The following NOVA1 variants were observed in gnomAD, a reference collection of about 807,000 sequenced individuals.
NOVA1 encodes the protein RNA-binding protein Nova-1.
NOVA1 carries 7 observed loss-of-function variants against 38.0 expected under a neutral mutation model. The ratio of observed to expected loss-of-function variants is 0.18; its 90% CI spans 0.10 to 0.35. The LOEUF (loss-of-function observed/expected upper bound fraction) is 0.35. Among genes scored for constraint, NOVA1 ranks in the 10% least tolerant of loss-of-function variants. The pLI is 1.00. For missense variants in NOVA1, 460 were observed against 616.0 expected (o/e 0.75, Z 2.68); for synonymous variants, 270 against 232.5 (o/e 1.16, Z -1.47).
chr14:26,542,409 C>T lies in NOVA1; in HGVS notation c.280+53001G>A, dbSNP rs35019381. Among the ~76,000 whole-genome samples the T allele has an allele frequency of 4.8e-3, 733 of 151,818 alleles. 2 individuals carry two copies. Among genetic ancestry groups the T allele is most frequent in the Non-Finnish European group, 8.8e-3 (597 of 67,738 alleles). ...ATGTATTAAATAATTCTACTTTTGACTAAATTTCAGTAATAAAGACTGCAT... is the reference window on the plus strand; with the variant it reads ...ATGTATTAAATAATTCTACTTTTGATTAAATTTCAGTAATAAAGACTGCAT... On this transcript the variant is annotated intron_variant, in intron 2 of 4. Coordinates refer to ENST00000539517, the MANE Select transcript of NOVA1 (RefSeq NM_002515.3).
intron 2 of NOVA1, among the ~76,000 whole-genome samples, chr14:26,557,917 A>G (rs1030570538): frequency 1.2e-4 from 18 of 152,184 alleles, no homozygotes; most frequent in African/African-American, 4.1e-4. Flanking sequence ...ATACAATGGA[A>G]TATTATTTCA....
intron 2 of NOVA1, chr14:26,549,512 G>A (rs574768852): frequency 5.5e-5 from 11 of 201,124 alleles, no homozygotes; most frequent in Admixed American, 4.6e-4. Flanking sequence ...CCATCTATTT[G>A]TTATTTAATT....
At chr14:26,509,279 T>A (rs1887875515) in intron 2 of NOVA1, among the ~76,000 whole-genome samples, 1 of 152,118 alleles carries the variant, frequency 6.6e-6, no homozygotes, top group Non-Finnish European at 1.5e-5. Context: ...GAGTATGGAA[T>A]AATCACAGTT....
intron 2 of NOVA1, among the ~76,000 whole-genome samples, chr14:26,535,139 A>G (rs1670246980): frequency 6.6e-6 from 1 of 152,228 alleles, no homozygotes; most frequent in Admixed American, 6.5e-5. Context: ...TAAAAGAGCA[A>G]CCAGGAATAA....
intron 3 of NOVA1, among the ~76,000 whole-genome samples, chr14:26,475,929 G>A (rs528433109): frequency 1.3e-5 from 2 of 152,224 alleles, no homozygotes; most frequent in South Asian, 4.1e-4. Context: ...GTAATAGACT[G>A]TCAAGAACCT....
At chr14:26,535,260 A>G (rs1026663104) in intron 2 of NOVA1, among the ~76,000 whole-genome samples, 2 of 152,232 alleles carry the variant, frequency 1.3e-5, no homozygotes, top group East Asian at 1.9e-4. Flanking sequence ...CTCAGTTCTT[A>G]TAAGAAATCC....
intron 2 of NOVA1, among the ~76,000 whole-genome samples, chr14:26,492,346 A>G (rs190186809): frequency 5.3e-5 from 8 of 152,222 alleles, no homozygotes; most frequent in African/African-American, 1.9e-4. Context: ...TTTGGATACC[A>G]TTTTTGTTTT....
At chr14:26,560,864 T>C (rs773577258) in intron 2 of NOVA1, among the ~76,000 whole-genome samples, 20 of 152,190 alleles carry the variant, frequency 1.3e-4, no homozygotes, top group Non-Finnish European at 2.8e-4. Context: ...AAATTTCATA[T>C]AACTATTATT....
intron 2 of NOVA1, among the ~76,000 whole-genome samples, chr14:26,486,980 C>A (rs1324123372): frequency 6.6e-6 from 1 of 151,952 alleles, no homozygotes; most frequent in Non-Finnish European, 1.5e-5. Flanking sequence ...ATAAAAATCA[C>A]CCATAATAGT....
At position 26,596,950 on chromosome 14, in the gene NOVA1, T is replaced by G. The variant is rs376676452; in HGVS notation, c.136+351A>C. 18 of 1,204,762 alleles carry G rather than the reference T, an allele frequency of 1.5e-5. No individual in the cohort carries two copies. The African/African-American group carries it at 2.5e-4, about 17-fold the overall frequency. 74.6% of individuals were successfully genotyped at this position (1,204,762 alleles called of 1,614,324 possible). A position where few individuals can be genotyped will look rare whatever the true frequency, so the allele number is the denominator to read the frequency against. On this transcript the variant is annotated intron_variant, in intron 1 of 4. Transcript: ENST00000539517. Reference sequence around the variant, plus strand: ...CATCTTCGGGCGGCCATCACCTCACTCCGGGGTCATCCTCCTCCTCCTCCT... The same window carrying G: ...CATCTTCGGGCGGCCATCACCTCACGCCGGGGTCATCCTCCTCCTCCTCCT...
chr14:26,587,308 T>TTAAA (rs374526855), intron 2 of NOVA1, among the ~76,000 whole-genome samples: 59 of 123,696 alleles, frequency 4.8e-4, no homozygotes, highest in African/African-American at 1.8e-3. Context: ...CTAAAATATA[T>TTAAA]AAAAAAAAAA....
chr14:26,468,011 C>T (rs553218479), intron 4 of NOVA1, among the ~76,000 whole-genome samples: 1 of 152,266 alleles, frequency 6.6e-6, no homozygotes, highest in East Asian at 1.9e-4. Flanking sequence ...ACATGACTTA[C>T]TTCTCACTAC....
At chr14:26,526,955 G>C (rs1889344985) in intron 2 of NOVA1, among the ~76,000 whole-genome samples, 1 of 152,126 alleles carries the variant, frequency 6.6e-6, no homozygotes, top group Non-Finnish European at 1.5e-5. Context: ...GTCTGTACCA[G>C]AATCTTGGAC....
chr14:26,531,308 T>TA (rs1214812175), intron 2 of NOVA1, among the ~76,000 whole-genome samples: 1 of 152,086 alleles, frequency 6.6e-6, no homozygotes, highest in East Asian at 1.9e-4. Flanking sequence ...AAAATTAAGC[T>TA]ATAAAACCTC....
intron 2 of NOVA1, among the ~76,000 whole-genome samples, chr14:26,536,287 C>T (rs921755625): frequency 6.6e-6 from 1 of 151,552 alleles, no homozygotes; most frequent in Admixed American, 6.6e-5. Flanking sequence ...ATAAGACCTA[C>T]TATTTGATAG....
intron 2 of NOVA1, among the ~76,000 whole-genome samples, chr14:26,504,469 C>T (rs1305981360): frequency 6.6e-6 from 1 of 151,958 alleles, no homozygotes; most frequent in Non-Finnish European, 1.5e-5. Context: ...CTTTTTGTCT[C>T]AAAACCTGAG....
chr14:26,522,124 G>T (rs1023122418), intron 2 of NOVA1, among the ~76,000 whole-genome samples: 1 of 151,918 alleles, frequency 6.6e-6, no homozygotes, highest in African/African-American at 2.4e-5. Flanking sequence ...ATATTTTAGG[G>T]TCATGTCCAT....
intron 2 of NOVA1, among the ~76,000 whole-genome samples, chr14:26,552,976 C>T (rs911653575): frequency 6.6e-6 from 1 of 151,936 alleles, no homozygotes; most frequent in Non-Finnish European, 1.5e-5. Flanking sequence ...TGGGGCCTTC[C>T]AAGCCATAAT....
intron 2 of NOVA1, among the ~76,000 whole-genome samples, chr14:26,538,875 A>C (rs1298923475): frequency 1.3e-5 from 2 of 152,122 alleles, no homozygotes; most frequent in Non-Finnish European, 2.9e-5. Context: ...TCTCTTTCTG[A>C]AGGATAGCCA....
Sources: gnomAD v4.1 joint callset for allele counts (sites outside exome capture counted in the v4.1 genomes callset) on GRCh38, gnomAD v4.1.1 for gene constraint, MANE v1.5 for transcripts, NCBI Gene and HGNC (gene_info 2026-07-23, HGNC 2026-07-21) for gene names.